The following ZNG1A variants were observed in gnomAD, a reference collection of about 807,000 sequenced individuals.
The protein encoded by ZNG1A is Zn regulated GTPase metalloprotein activator 1A, also known as zinc-regulated GTPase metalloprotein activator 1A.
the ZNG1A span, chr9:154,696 T>C: frequency 7.6e-6 from 12 of 1,585,932 alleles, no homozygotes; most frequent in Non-Finnish European, 1.0e-5. Flanking sequence ...TTAACACACT[T>C]ATCATTTCGT....
the ZNG1A span, chr9:162,529 A>G: frequency 2.5e-5 from 39 of 1,562,788 alleles, 1 homozygote; most frequent in Non-Finnish European, 2.8e-5. Flanking sequence ...ATATTTGTAC[A>G]ACCATACTTC....
chr9:159,010 G>C, the ZNG1A span, among the ~76,000 whole-genome samples: 1 of 152,076 alleles, frequency 6.6e-6, no homozygotes, highest in Non-Finnish European at 1.5e-5. Context: ...TGGTCATTAA[G>C]TCAGATGACT....
the ZNG1A span, among the ~76,000 whole-genome samples, chr9:128,385 T>C: frequency 2.6e-5 from 4 of 151,756 alleles, no homozygotes; most frequent in Non-Finnish European, 5.9e-5. Context: ...TCTTATTCTT[T>C]TTTCTTTGTC....
the ZNG1A span, among the ~76,000 whole-genome samples, chr9:129,342 G>A: frequency 2.0e-5 from 3 of 151,894 alleles, no homozygotes; most frequent in East Asian, 5.8e-4. Context: ...CTAAAAAAAG[G>A]TTCAAATTGA....
the ZNG1A span, among the ~76,000 whole-genome samples, chr9:158,343 C>G: frequency 6.6e-6 from 1 of 152,050 alleles, no homozygotes; most frequent in East Asian, 1.9e-4. Context: ...ATCTACTTAA[C>G]AATGATATAT....
the ZNG1A span, chr9:163,881 C>T: frequency 9.6e-7 from 1 of 1,044,024 alleles, no homozygotes; most frequent in African/African-American, 1.7e-5. Flanking sequence ...CATGCCACTG[C>T]ACTCCATGCA....
the ZNG1A span, among the ~76,000 whole-genome samples, chr9:124,102 C>T: frequency 6.6e-6 from 1 of 152,170 alleles, no homozygotes. Context: ...GTAAGGGGGA[C>T]ATCATCATGT....
At chr9:178,712 C>T in the ZNG1A span, 13 of 1,028,836 alleles carry the variant, frequency 1.3e-5, 5 homozygotes, top group East Asian at 3.3e-4. Flanking sequence ...GACATTTGCT[C>T]TTGATCATGA....
At chr9:169,834 A>G in the ZNG1A span, among the ~76,000 whole-genome samples, 1 of 145,714 alleles carries the variant, frequency 6.9e-6, no homozygotes, top group African/African-American at 2.5e-5. Context: ...TTTATAGACT[A>G]CAGTATAGTA....
chr9:163,710 G>A, the ZNG1A span, among the ~76,000 whole-genome samples: 1 of 151,488 alleles, frequency 6.6e-6, no homozygotes. Flanking sequence ...TGAAGTCAGG[G>A]GTTCAAGACC....
At chr9:160,548 T>TA in the ZNG1A span, among the ~76,000 whole-genome samples, 28 of 151,422 alleles carry the variant, frequency 1.8e-4, no homozygotes, top group Admixed American at 1.8e-3. Context: ...TTTATCAAGG[T>TA]AGCAGGAGGT....
At chr9:156,154 CATAT>C in the ZNG1A span, among the ~76,000 whole-genome samples, 224 of 134,104 alleles carry the variant, frequency 1.7e-3, no homozygotes, top group East Asian at 9.2e-3. Context: ...TATTATTATA[CATAT>C]ATATATATAT....
the ZNG1A span, among the ~76,000 whole-genome samples, chr9:158,954 T>C: frequency 6.6e-6 from 1 of 152,120 alleles, no homozygotes; most frequent in Admixed American, 6.6e-5. Flanking sequence ...AAAATCAATG[T>C]CTTCTATTCA....
chr9:147,312 T>C, the ZNG1A span: 1 of 126,044 alleles, frequency 7.9e-6, no homozygotes, highest in Non-Finnish European at 1.6e-5. Context: ...AAACATTTGT[T>C]AAATTTTCTT....
the ZNG1A span, chr9:177,906 T>A: frequency 5.6e-5 from 85 of 1,518,718 alleles, 1 homozygote; most frequent in South Asian, 3.3e-4. Flanking sequence ...ACAAAGTTTT[T>A]AAAAAAAACA....
chr9:139,056 T>C, the ZNG1A span, among the ~76,000 whole-genome samples: 169 of 149,140 alleles, frequency 1.1e-3, 1 homozygote, highest in South Asian at 3.4e-3. Context: ...TATGGACATA[T>C]ACGAGACTTA....
the ZNG1A span, chr9:167,717 G>A: frequency 1.3e-5 from 2 of 150,054 alleles, no homozygotes; most frequent in Admixed American, 1.3e-4. Context: ...ATCCTACAAT[G>A]GCCTGTAAGT....
the ZNG1A span, among the ~76,000 whole-genome samples, chr9:142,969 A>G: frequency 2.1e-5 from 3 of 140,942 alleles, no homozygotes; most frequent in Non-Finnish European, 4.5e-5. Context: ...TCCTTGACAC[A>G]TACACCCTCC....
the ZNG1A span, chr9:149,532 T>C: frequency 5.9e-5 from 9 of 151,778 alleles, no homozygotes; most frequent in Non-Finnish European, 1.0e-4. Context: ...AGTTGAGCAA[T>C]CATTCCCTCT....
Sources: allele counts gnomAD v4.1 joint callset (sites outside exome capture counted in the v4.1 genomes callset), GRCh38; gene constraint gnomAD v4.1.1; transcripts MANE v1.5; gene names NCBI Gene and HGNC (gene_info 2026-07-23, HGNC 2026-07-21).